Variants in GRIA4 observed in about 807,000 individuals in gnomAD.
The protein encoded by GRIA4 is glutamate ionotropic receptor AMPA type subunit 4, also known as glutamate receptor 4.
GRIA4 carries 34 observed loss-of-function variants against 104.0 expected under a neutral mutation model. That is an observed-to-expected ratio of 0.33 (90% CI 0.25 to 0.44). GRIA4 has a LOEUF of 0.44. Ranked by LOEUF, GRIA4 falls within the 20% of genes least tolerant of loss-of-function variation. The pLI, the probability that GRIA4 is intolerant of heterozygous loss-of-function variation, is 1.00. For missense variants in GRIA4, 750 were observed against 1,096.5 expected, an observed-to-expected ratio of 0.68 and a Z score of 4.46; for synonymous variants, 386 against 381.9, an observed-to-expected ratio of 1.01 and a Z score of -0.13.
At chr11:105,874,864 GAC>G (rs1398038606) in intron 5 of GRIA4, among the ~76,000 whole-genome samples, 14 of 152,180 alleles carry the variant, frequency 9.2e-5, no homozygotes, top group African/African-American at 2.9e-4. Context: ...TGCAAATAGA[GAC>G]AATTTAACTT....
rs1947290631 is a variant in GRIA4 at position 105,912,661 on chromosome 11, A to T, written c.1269+2116A>T. 1.0e-5 allele frequency: 8 copies of T among 794,522 alleles called. 1 individual carries two copies. The South Asian group carries it at 4.1e-4, about 40-fold the overall frequency. 49.2% of individuals were successfully genotyped at this position (794,522 alleles called of 1,614,324 possible). A position where few individuals can be genotyped will look rare whatever the true frequency, so the allele number is the denominator to read the frequency against. On this transcript the variant is annotated intron_variant, in intron 10 of 16. Transcript: ENST00000282499. Reference sequence around the variant, plus strand: ...TAGTATCTTTTTGTATGAAAATGTAATCTTTATATAAATAATACCTCTGAT... The same window carrying T: ...TAGTATCTTTTTGTATGAAAATGTATTCTTTATATAAATAATACCTCTGAT...
chr11:105,754,361 T>C (rs1052433293), intron 4 of GRIA4, among the ~76,000 whole-genome samples: 1 of 152,160 alleles, frequency 6.6e-6, no homozygotes, highest in African/African-American at 2.4e-5. Context: ...GGCAAATGAG[T>C]TAATGTTTTG....
At chr11:105,722,080 T>C in intron 3 of GRIA4, among the ~76,000 whole-genome samples, 1 of 152,218 alleles carries the variant, frequency 6.6e-6, no homozygotes, top group South Asian at 2.1e-4. Context: ...AAATCATGTT[T>C]TATATGTAAC....
At chr11:105,738,827 A>G (rs1416121745) in intron 3 of GRIA4, among the ~76,000 whole-genome samples, 1 of 152,052 alleles carries the variant, frequency 6.6e-6, no homozygotes, top group Non-Finnish European at 1.5e-5. Context: ...ACTTAAAGGT[A>G]AAAATATATT....
At chr11:105,792,825 G>C (rs1942271719) in intron 4 of GRIA4, among the ~76,000 whole-genome samples, 1 of 152,094 alleles carries the variant, frequency 6.6e-6, no homozygotes, top group Non-Finnish European at 1.5e-5. Flanking sequence ...GTTTAGAGCA[G>C]GAGACAGACC....
At chr11:105,872,300 G>T (rs1945646202) in intron 5 of GRIA4, among the ~76,000 whole-genome samples, 1 of 152,064 alleles carries the variant, frequency 6.6e-6, no homozygotes, top group South Asian at 2.1e-4. Context: ...ACATTCAGAT[G>T]ATATTATCTC....
intron 3 of GRIA4, among the ~76,000 whole-genome samples, chr11:105,737,681 C>T (rs1591169945): frequency 6.6e-6 from 1 of 152,036 alleles, no homozygotes; most frequent in East Asian, 1.9e-4. Context: ...TAGAGTGCCT[C>T]TTCCAGTAGC....
chr11:105,905,125 C>T, intron 8 of GRIA4, 72 bp from the exon 9 acceptor site: 2 of 817,022 alleles, frequency 2.4e-6, no homozygotes, highest in Non-Finnish European at 4.3e-6. Flanking sequence ...TAGTTATAAG[C>T]CCAGCAGATG....
chr11:105,955,888 T>C (rs1373547900), intron 14 of GRIA4, among the ~76,000 whole-genome samples: 4 of 152,238 alleles, frequency 2.6e-5, no homozygotes, highest in Non-Finnish European at 5.9e-5. Flanking sequence ...GTTGAGTTTT[T>C]TTCATATGTT....
intron 4 of GRIA4, among the ~76,000 whole-genome samples, chr11:105,793,877 T>C (rs986441786): frequency 1.3e-5 from 2 of 152,086 alleles, no homozygotes. Flanking sequence ...AACATGCTAT[T>C]TGAACACCAA....
At chr11:105,755,754 G>T (rs1462207364) in intron 4 of GRIA4, among the ~76,000 whole-genome samples, 1 of 152,144 alleles carries the variant, frequency 6.6e-6, no homozygotes, top group East Asian at 1.9e-4. Flanking sequence ...ATCCATTGAA[G>T]GCCTAAATAG....
chr11:105,811,859 C>T (rs1265937821), intron 4 of GRIA4, among the ~76,000 whole-genome samples: 1 of 152,148 alleles, frequency 6.6e-6, no homozygotes, highest in Non-Finnish European at 1.5e-5. Flanking sequence ...ACTCACTTTC[C>T]AACTGTTAAG....
In GRIA4 at chr11:105,659,608, G is replaced by A. The variant is rs142508177; in HGVS notation, c.247+47174G>A. Among the ~76,000 whole-genome samples the A allele has an allele frequency of 4.1e-3, 623 of 151,936 alleles. 12 individuals carry two copies. Among genetic ancestry groups the A allele is most frequent in the Admixed American group, 5.2e-3 (79 of 15,196 alleles). On this transcript the variant is annotated intron_variant, in intron 3 of 16. Transcript: ENST00000282499. ...TCTATGTTTATAGATGGTCCATACT[G>A]TGTAAGCCACTTTAAGTGAATGTTC...
At chr11:105,749,074 A>C (rs1483404204) in intron 3 of GRIA4, among the ~76,000 whole-genome samples, 1 of 152,212 alleles carries the variant, frequency 6.6e-6, no homozygotes, top group Non-Finnish European at 1.5e-5. Flanking sequence ...GTGTTCAAGG[A>C]CACTAAGAAA....
intron 4 of GRIA4, among the ~76,000 whole-genome samples, chr11:105,760,030 A>T (rs1391972634): frequency 6.6e-6 from 1 of 152,048 alleles, no homozygotes; most frequent in Non-Finnish European, 1.5e-5. Context: ...ATGACTTCAA[A>T]ATCTGTATTT....
At chr11:105,647,981 A>AATAAATAAATAAATAT (rs1951578300) in intron 3 of GRIA4, among the ~76,000 whole-genome samples, 1 of 151,474 alleles carries the variant, frequency 6.6e-6, no homozygotes, top group African/African-American at 2.4e-5. Flanking sequence ...TAAATAAATA[A>AATAAATAAATAAATAT]ATAAATAAAT....
chr11:105,695,090 A>G (rs1953220738), intron 3 of GRIA4, among the ~76,000 whole-genome samples: 1 of 152,210 alleles, frequency 6.6e-6, no homozygotes, highest in Admixed American at 6.5e-5. Context: ...CTATTCTGCT[A>G]TGCAGACCCC....
At chr11:105,713,302 A>C (rs1339657825) in intron 3 of GRIA4, among the ~76,000 whole-genome samples, 1 of 151,996 alleles carries the variant, frequency 6.6e-6, no homozygotes, top group Non-Finnish European at 1.5e-5. Flanking sequence ...AAATGACTTG[A>C]ACCTGAGAGG....
intron 14 of GRIA4, among the ~76,000 whole-genome samples, chr11:105,941,448 T>C (rs1224979942): frequency 6.6e-6 from 1 of 152,148 alleles, no homozygotes; most frequent in Non-Finnish European, 1.5e-5. Context: ...CACCTTTCAA[T>C]GTACACAATG....
Sources: gnomAD v4.1 joint callset for allele counts (sites outside exome capture counted in the v4.1 genomes callset) on GRCh38, gnomAD v4.1.1 for gene constraint, MANE v1.5 for transcripts, NCBI Gene and HGNC (gene_info 2026-07-23, HGNC 2026-07-21) for gene names.